Variants in DPP3 observed in about 807,000 individuals in gnomAD.
DPP3 encodes dipeptidyl peptidase 3, also known as DPP III.
A neutral mutation model predicts 89.8 loss-of-function variants in DPP3; 64 were observed. The ratio of observed to expected loss-of-function variants is 0.71; its 90% CI spans 0.58 to 0.88. The LOEUF is 0.88. Among genes scored for constraint, DPP3 ranks in the 40% least tolerant of loss-of-function variants. The probability of loss-of-function intolerance (pLI) is 0.00; values close to 1 mark genes in which losing one functional copy is unlikely to be tolerated. For synonymous variants in DPP3, 377 were observed against 404.3 expected (o/e 0.93, Z 0.81); for missense variants, 835 against 972.5 (o/e 0.86, Z 1.88).
At chr11:66,505,261 G>T (rs781487661) in intron 17 of DPP3, among the ~76,000 whole-genome samples, 5 of 152,172 alleles carry the variant, frequency 3.3e-5, no homozygotes, top group Non-Finnish European at 7.3e-5. Context: ...TGGCCACACG[G>T]TGCTTGTATC....
rs921321571 is a variant in DPP3, at chr11:66,509,557, G to A, written c.*306G>A. 5 of 812,294 alleles carry A rather than the reference G, an allele frequency of 6.2e-6. No individual in the cohort carries two copies. The Admixed American group carries it at 8.0e-5, about 13-fold the overall frequency. 50.3% of individuals were successfully genotyped at this position (812,294 alleles called of 1,614,324 possible). On this transcript the variant is annotated 3_prime_UTR_variant, in exon 18 of 18. Transcript: ENST00000531863. ...GAAGTCACTGGTCTAGATCCCGCAG[G>A]TGGCACGTGACAGCTAGGGTTCAAA...
intron 16 of DPP3, among the ~76,000 whole-genome samples, chr11:66,501,780 C>G (rs1855680979): frequency 6.9e-6 from 1 of 145,056 alleles, no homozygotes; most frequent in Non-Finnish European, 1.5e-5. Context: ...AGCTGATAAT[C>G]TGCCACTGCA....
chr11:66,504,973 GAC>G (rs912185775), intron 17 of DPP3, among the ~76,000 whole-genome samples, 199 bp downstream of exon 17: 76 of 151,854 alleles, frequency 5.0e-4, no homozygotes, highest in Non-Finnish European at 1.5e-4. Flanking sequence ...CCACCCCCCC[GAC>G]ACACACACAG....
Position 66,486,675 on chromosome 11 carries a change from G to A in DPP3, c.496G>A (p.Glu166Lys). ...PRLRHLGLGK[E>K]GITTYFSGNC... ...GCTTCGACACCTCGGACTGGGGAAG[G>A]AGGTGAGGCCCCTGACTCCCCCGAG... Residue 166 changes from glutamate to lysine, a missense_variant and splice_region_variant, in exon 4 of 18, where the codon GAG becomes AAG. Glu to Lys is a moderately conservative substitution (Grantham distance 56, BLOSUM62 1). Transcript: ENST00000531863. 1.3e-6 allele frequency: 2 copies of A among 1,524,862 alleles called. No individual in the cohort carries two copies. Among genetic ancestry groups the A allele is most frequent in the Non-Finnish European group, 1.8e-6 (2 of 1,135,410 alleles). 94.5% of individuals were successfully genotyped at this position (1,524,862 alleles called of 1,614,324 possible).
In DPP3 at chr11:66,491,704, C is replaced by T. The variant is rs1414780839; in HGVS notation, c.936C>T (p.Ile312=). 6.8e-6 allele frequency: 11 copies of T among 1,612,042 alleles called. No individual in the cohort carries two copies. Among genetic ancestry groups the T allele is most frequent in the South Asian group, 3.3e-5 (3 of 90,988 alleles). The part of the protein sequence containing the change: ...QDKGPIVESY[I]GFIESYRDPF... ...CTGCCCTTCTCTCCCCCAGTTACAT[C>T]GGGTTCATCGAGAGCTACCGCGACC... Residue 312 remains isoleucine, a synonymous_variant, in exon 9 of 18, where the codon ATC becomes ATT. Coordinates refer to ENST00000531863, the MANE Select transcript of DPP3 (RefSeq NM_130443.4).
intron 16 of DPP3, among the ~76,000 whole-genome samples, chr11:66,499,622 T>C (rs1020383615): frequency 2.0e-5 from 3 of 151,410 alleles, no homozygotes; most frequent in African/African-American, 7.3e-5. Context: ...ATACAAAAAT[T>C]AGCTGGGCAT....
chr11:66,497,494 C>T lies in DPP3; in HGVS notation c.1878+17C>T, dbSNP rs200743178. On this transcript the variant is annotated intron_variant, in intron 16 of 17. Coordinates refer to ENST00000531863, the MANE Select transcript of DPP3 (RefSeq NM_130443.4). ...AGACTTCAGGTAAGCAAAGGCCTCTCGTCTGGATGGGTCCCCACCAACCTC... is the reference window on the plus strand; with the variant it reads ...AGACTTCAGGTAAGCAAAGGCCTCTTGTCTGGATGGGTCCCCACCAACCTC... 12 of 1,607,042 alleles carry T rather than the reference C, an allele frequency of 7.5e-6. No homozygotes were observed. The Admixed American group carries it at 1.0e-4, about 13-fold the overall frequency.
In DPP3 at chr11:66,509,402, A is replaced by G. The variant is rs1403406108; in HGVS notation, c.*151A>G. 1 of 1,536,976 alleles carries G rather than the reference A, an allele frequency of 6.5e-7. No homozygotes were observed. Among genetic ancestry groups the G allele is most frequent in the African/African-American group, 1.4e-5 (1 of 73,052 alleles). ...TGAGGGTGGTGACACAACCCCTTCCATTTGTCAGCACTTTCCAGCCTGCCA... is the reference window on the plus strand; with the variant it reads ...TGAGGGTGGTGACACAACCCCTTCCGTTTGTCAGCACTTTCCAGCCTGCCA... On this transcript the variant is annotated 3_prime_UTR_variant, in exon 18 of 18. Coordinates refer to ENST00000531863, the MANE Select transcript of DPP3 (RefSeq NM_130443.4).
chr11:66,488,133 A>G (rs1325428532), intron 6 of DPP3, 126 bp downstream of exon 6: 7 of 799,578 alleles, frequency 8.8e-6, no homozygotes, highest in Non-Finnish European at 1.4e-5. Context: ...TTTTCTACAT[A>G]AGTCCTGGGA....
chr11:66,487,854 C>A, intron 5 of DPP3, 60 bp from the exon 6 acceptor site: 1 of 1,519,300 alleles, frequency 6.6e-7, no homozygotes, highest in Admixed American at 1.8e-5. Flanking sequence ...CATTTTCCTT[C>A]CTCCCACCCC....
rs1855274607 is a variant in DPP3 at position 66,487,859 on chromosome 11, C to T, written c.574-55C>T. On this transcript the variant is annotated intron_variant, in intron 5 of 17. Coordinates refer to ENST00000531863, the MANE Select transcript of DPP3 (RefSeq NM_130443.4). ...AGGGTTGACCCATTTTCCTTCCTCC[C>T]ACCCCACTGCCCTCTCCAGACTTCA... 1.1e-5 allele frequency: 17 copies of T among 1,544,542 alleles called. No individual in the cohort carries two copies. The South Asian group carries it at 1.7e-4, about 16-fold the overall frequency.
chr11:66,498,625 A>G (rs751730651), intron 16 of DPP3, among the ~76,000 whole-genome samples: 1 of 152,248 alleles, frequency 6.6e-6, no homozygotes, highest in Non-Finnish European at 1.5e-5. Flanking sequence ...GATATAATTT[A>G]GGAAAAAGAA....
Position 66,504,533 on chromosome 11 carries a change from A to G in DPP3, c.1879-79A>G, listed in dbSNP as rs1417956446. Reference sequence around the variant, plus strand: ...CACAGACTGTCCAGGGCTGACCACAATCAGCTGTGGCCTATGGCAGAGCCC... The same window carrying G: ...CACAGACTGTCCAGGGCTGACCACAGTCAGCTGTGGCCTATGGCAGAGCCC... On this transcript the variant is annotated intron_variant, in intron 16 of 17. Transcript: ENST00000531863. The G allele has an allele frequency of 5.4e-6, 8 of 1,484,328 alleles. No homozygotes were observed. In the African/African-American group the frequency reaches 5.6e-5, roughly 10 times the overall value. The allele number at this position is 1,484,328 out of a possible 1,614,324, so 91.9% of individuals were successfully genotyped here. A position where few individuals can be genotyped will look rare whatever the true frequency, so the allele number is the denominator to read the frequency against.
chr11:66,504,053 G>A (rs1254510919), intron 16 of DPP3, among the ~76,000 whole-genome samples: 2 of 152,222 alleles, frequency 1.3e-5, no homozygotes, highest in Non-Finnish European at 2.9e-5. Context: ...GAGGAATGCT[G>A]TGGCCTCACA....
rs1855887880 is a variant in DPP3, at chr11:66,509,333, G to A, written c.*82G>A. 1.9e-6 allele frequency: 3 copies of A among 1,549,102 alleles called. No homozygotes were observed. The highest frequency in any genetic ancestry group is 1.7e-6 in the Non-Finnish European group (2 of 1,147,172). Reference sequence around the variant, plus strand: ...CATTCGTGTGTGTATTTAGGGGCTGGGGAGGGGGAGGGGCAGGAGCTTGGA... The same window carrying A: ...CATTCGTGTGTGTATTTAGGGGCTGAGGAGGGGGAGGGGCAGGAGCTTGGA... On this transcript the variant is annotated 3_prime_UTR_variant, in exon 18 of 18. Transcript: ENST00000531863.
At chr11:66,484,073 G>C (rs952668278) in intron 2 of DPP3, among the ~76,000 whole-genome samples, 12 of 152,032 alleles carry the variant, frequency 7.9e-5, no homozygotes, top group African/African-American at 2.2e-4. Flanking sequence ...CAACTCCCTG[G>C]TTCAAGCGAT....
At chr11:66,499,530 G>A (rs561344277) in intron 16 of DPP3, among the ~76,000 whole-genome samples, 1 of 152,180 alleles carries the variant, frequency 6.6e-6, no homozygotes, top group African/African-American at 2.4e-5. Flanking sequence ...AGCACTTTGG[G>A]AGGCCCAGAC....
At position 66,491,609 on chromosome 11, in the gene DPP3, G is replaced by A. The variant is rs199675857; in HGVS notation, c.914G>A (p.Gly305Asp). The A allele has an allele frequency of 3.7e-6, 6 of 1,613,444 alleles. No homozygotes were observed. Among genetic ancestry groups the A allele is most frequent in the Non-Finnish European group, 5.1e-6 (6 of 1,179,588 alleles). ...RGSRFWIQDK[G>D]PIVESYIGFI... is the part of the protein sequence containing the mutation. ...TCCCGCTTCTGGATCCAGGACAAAG[G>A]CCCCATCGTGGAGAGGTGAGGCGCC... The change falls in exon 8 of 18, where the codon GGC becomes GAC. Residue 305 changes from glycine to aspartate, a missense_variant. Gly to Asp is a moderately conservative substitution (Grantham distance 94). Transcript: ENST00000531863.
At chr11:66,501,825 C>CA (rs35196491) in intron 16 of DPP3, among the ~76,000 whole-genome samples, 3,359 of 84,360 alleles carry the variant, frequency 0.04, 155 homozygotes, top group East Asian at 0.19. Flanking sequence ...ACTTTGTCTC[C>CA]AAAAAAAAAA....
Sources: gnomAD v4.1 joint callset for allele counts (sites outside exome capture counted in the v4.1 genomes callset) on GRCh38, gnomAD v4.1.1 for gene constraint, MANE v1.5 for transcripts, NCBI Gene and HGNC (gene_info 2026-07-23, HGNC 2026-07-21) for gene names.